The following KHSRP variants were observed in gnomAD, a reference collection of about 807,000 sequenced individuals.
The protein encoded by KHSRP is far upstream element-binding protein 2.
A neutral mutation model predicts 94.9 loss-of-function variants in KHSRP; 13 were observed. The ratio of observed to expected loss-of-function variants is 0.14; its 90% confidence interval spans 0.09 to 0.22. The LOEUF is 0.22. Ranked by LOEUF, KHSRP falls within the 10% of genes least tolerant of loss-of-function variation. The pLI is 1.00. For missense variants in KHSRP, 710 were observed against 1,010.0 expected (o/e 0.70, Z 4.03); for synonymous variants, 495 against 401.4 (o/e 1.23, Z -2.79).
Position 6,418,145 on chromosome 19 carries a change from G to T in KHSRP, c.880-66C>A, listed in dbSNP as rs980809658. ...CTGCCCCACACCCCCCCACCTCCTCGGGGGTGCGGGCCTCAACTAAGGACC... is the reference window on the plus strand; with the variant it reads ...CTGCCCCACACCCCCCCACCTCCTCTGGGGTGCGGGCCTCAACTAAGGACC... On this transcript the variant is annotated intron_variant, in intron 9 of 18. Transcript: ENST00000600480. This position sits in a 1 kb window ranked among gnomAD's most constrained non-coding sequence, Gnocchi z 4.3. 6.9e-7 allele frequency: 1 copy of T among 1,441,800 alleles called. No homozygotes were observed. 89.3% of individuals were successfully genotyped at this position (1,441,800 alleles called of 1,614,324 possible). A position where few individuals can be genotyped will look rare whatever the true frequency, so the allele number is the denominator to read the frequency against.
intron 11 of KHSRP, among the ~76,000 whole-genome samples, chr19:6,417,507 G>A (rs1207708363): frequency 1.3e-5 from 2 of 152,202 alleles, no homozygotes; most frequent in African/African-American, 4.8e-5. Context: ...CGTAGGGGGA[G>A]GAAGAGGAGA....
intron 3 of KHSRP, 154 bp downstream of exon 3, chr19:6,421,496 G>A: frequency 9.7e-7 from 1 of 1,032,642 alleles, no homozygotes; most frequent in Non-Finnish European, 1.5e-6. Context: ...CTCAATTTCA[G>A]GGTTCCTGGG....
rs2092127070 is a variant in KHSRP at position 6,414,519 on chromosome 19, C to T, written c.*505G>A. 17 of 1,046,802 alleles carry T rather than the reference C, an allele frequency of 1.6e-5. 1 individual carries two copies. The East Asian group carries it at 6.4e-4, about 40-fold the overall frequency. The allele number at this position is 1,046,802 out of a possible 1,614,324, so 64.8% of individuals were successfully genotyped here. A position where few individuals can be genotyped will look rare whatever the true frequency, so the allele number is the denominator to read the frequency against. On this transcript the variant is annotated 3_prime_UTR_variant, in exon 19 of 19. Coordinates refer to ENST00000600480, the MANE Select transcript of KHSRP (RefSeq NM_001366299.1). ...GGTTGGAAGGTGGCAACGATCTTCA[C>T]GCCCACTTCACAGACAAGCCCGGGA... is the stretch of plus-strand genomic sequence containing the variant.
rs1045274230 is a variant in KHSRP at position 6,414,295 on chromosome 19, G to C, written c.*729C>G. The C allele has an allele frequency of 2.2e-6, 3 of 1,394,248 alleles. No homozygotes were observed. The highest frequency in any genetic ancestry group is 6.2e-5 in the Admixed American group (2 of 32,126). The allele number at this position is 1,394,248 out of a possible 1,614,324, so 86.4% of individuals were successfully genotyped here. A position where few individuals can be genotyped will look rare whatever the true frequency, so the allele number is the denominator to read the frequency against. On this transcript the variant is annotated 3_prime_UTR_variant, in exon 19 of 19. Coordinates refer to ENST00000600480, the MANE Select transcript of KHSRP (RefSeq NM_001366299.1). ...TTGTTAACTGTCTAGCCAGGTGCTC[G>C]CGGGACTCGCTGAAGTCACGCTGCT...
At position 6,424,660 on chromosome 19, in the gene KHSRP, C is replaced by T. The variant is rs2092221976; in HGVS notation, c.42G>A (p.Pro14=). 1.1e-5 allele frequency: 11 copies of T among 1,019,574 alleles called. No homozygotes were observed. The highest frequency in any genetic ancestry group is 1.3e-5 in the Non-Finnish European group (11 of 853,756). The allele number at this position is 1,019,574 out of a possible 1,614,324, so 63.2% of individuals were successfully genotyped here. ...CTCCCCCGCCCCCGCCGGCGGGCGG[C>T]GGCGGCCCGGGCGGGGGTCCTCCCG... ...YSTGGPPPGP[P]PPAGGGGGAG... is the part of the protein sequence containing the mutation. Residue 14 remains proline, a synonymous_variant, in exon 1 of 19, where the codon CCG becomes CCA. Coordinates refer to ENST00000600480, the MANE Select transcript of KHSRP (RefSeq NM_001366299.1).
At position 6,417,850 on chromosome 19, in the gene KHSRP, G is replaced by A. The variant is rs769674438; in HGVS notation, c.979-9C>T. 1 of 1,612,942 alleles carries A rather than the reference G, an allele frequency of 6.2e-7. No homozygotes were observed. The highest frequency in any genetic ancestry group is 8.5e-7 in the Non-Finnish European group (1 of 1,179,102). On this transcript the variant is annotated splice_polypyrimidine_tract_variant and intron_variant, in intron 10 of 18. Transcript: ENST00000600480. ...TGCCTGGGCACTGGCACCTGGGGAG[G>A]GAGGCAGCAGCGTCAGCTCGGCCCG...
Position 6,418,147 on chromosome 19 carries a change from G to C in KHSRP, c.880-68C>G. The C allele has an allele frequency of 7.0e-7, 1 of 1,435,632 alleles. No individual in the cohort carries two copies. Among genetic ancestry groups the C allele is most frequent in the Non-Finnish European group, 9.7e-7 (1 of 1,025,726 alleles). The allele number at this position is 1,435,632 out of a possible 1,614,324, so 88.9% of individuals were successfully genotyped here. A position where few individuals can be genotyped will look rare whatever the true frequency, so the allele number is the denominator to read the frequency against. On this transcript the variant is annotated intron_variant, in intron 9 of 18. Coordinates refer to ENST00000600480, the MANE Select transcript of KHSRP (RefSeq NM_001366299.1). The surrounding 1 kb of genome is among the most constrained non-coding windows in gnomAD (Gnocchi z 4.3). ...GCCCCACACCCCCCCACCTCCTCGGGGGTGCGGGCCTCAACTAAGGACCCA... is the reference window on the plus strand; with the variant it reads ...GCCCCACACCCCCCCACCTCCTCGGCGGTGCGGGCCTCAACTAAGGACCCA...
In KHSRP at chr19:6,418,903, G is replaced by A. The variant is rs758896559; in HGVS notation, c.606-27C>T. On this transcript the variant is annotated intron_variant, in intron 7 of 18. Transcript: ENST00000600480. This position sits in a 1 kb window ranked among gnomAD's most constrained non-coding sequence, Gnocchi z 4.3. ...TGGGAAGGGGAGGAGCGGGGGATGA[G>A]CGGGTGCCACCGCTGGAGAAAGGTA... 6.6e-6 allele frequency: 10 copies of A among 1,524,072 alleles called. No homozygotes were observed. Among genetic ancestry groups the A allele is most frequent in the Non-Finnish European group, 8.8e-6 (10 of 1,142,806 alleles). The allele number at this position is 1,524,072 out of a possible 1,614,324, so 94.4% of individuals were successfully genotyped here.
At chr19:6,421,004 G>A in intron 4 of KHSRP, 1 of 496,992 alleles carries the variant, frequency 2.0e-6, no homozygotes, top group Non-Finnish European at 3.6e-6. Context: ...GCTGCTCAGA[G>A]TCCCCACCCC....
intron 15 of KHSRP, 66 bp from the exon 16 acceptor site, chr19:6,415,962 G>T: frequency 9.4e-7 from 1 of 1,060,162 alleles, no homozygotes; most frequent in Non-Finnish European, 1.3e-6. Flanking sequence ...GACCACCTGG[G>T]GTGGGGATGT....
intron 1 of KHSRP, among the ~76,000 whole-genome samples, chr19:6,422,915 A>C (rs2092203701): frequency 6.6e-6 from 1 of 152,128 alleles, no homozygotes; most frequent in South Asian, 2.1e-4. Flanking sequence ...TCCTTTTATC[A>C]ATTTATTGAA....
Position 6,420,004 on chromosome 19 carries a change from G to T in KHSRP, c.547+69C>A. 4 of 1,189,472 alleles carry T rather than the reference G, an allele frequency of 3.4e-6. No homozygotes were observed. The South Asian group carries it at 5.1e-5, about 15-fold the overall frequency. The allele number at this position is 1,189,472 out of a possible 1,614,324, so 73.7% of individuals were successfully genotyped here. A position where few individuals can be genotyped will look rare whatever the true frequency, so the allele number is the denominator to read the frequency against. ...TGTCCACAGTCCCCGTGGAAATTAA[G>T]TAATTAAAGGAAAGTGCAAAGGGCC... On this transcript the variant is annotated intron_variant, in intron 6 of 18. Transcript: ENST00000600480.
rs1421847668 is a variant in KHSRP, at chr19:6,414,304, G to A, written c.*720C>T. Reference sequence around the variant, plus strand: ...GTCTAGCCAGGTGCTCGCGGGACTCGCTGAAGTCACGCTGCTCCCTGATGG... The same window carrying A: ...GTCTAGCCAGGTGCTCGCGGGACTCACTGAAGTCACGCTGCTCCCTGATGG... On this transcript the variant is annotated 3_prime_UTR_variant, in exon 19 of 19. Transcript: ENST00000600480. 23 of 1,391,126 alleles carry A rather than the reference G, an allele frequency of 1.7e-5. 1 individual carries two copies. Among genetic ancestry groups the A allele is most frequent in the Non-Finnish European group, 2.1e-5 (22 of 1,065,566 alleles). 86.2% of individuals were successfully genotyped at this position (1,391,126 alleles called of 1,614,324 possible). A position where few individuals can be genotyped will look rare whatever the true frequency, so the allele number is the denominator to read the frequency against.
At position 6,418,425 on chromosome 19, in the gene KHSRP, C is replaced by A; in HGVS notation, c.879+58G>T. The A allele has an allele frequency of 7.8e-7, 1 of 1,284,526 alleles. No homozygotes were observed. The highest frequency in any genetic ancestry group is 1.8e-5 in the Admixed American group (1 of 54,722). The allele number at this position is 1,284,526 out of a possible 1,614,324, so 79.6% of individuals were successfully genotyped here. Reference sequence around the variant, plus strand: ...GAATGCAGACCCCGAGACCGCTGGCCCTGCCCACCTGCCCGTGCCTCTCCA... The same window carrying A: ...GAATGCAGACCCCGAGACCGCTGGCACTGCCCACCTGCCCGTGCCTCTCCA... On this transcript the variant is annotated intron_variant, in intron 9 of 18. Transcript: ENST00000600480. The surrounding 1 kb of genome is among the most constrained non-coding windows in gnomAD (Gnocchi z 4.3).
Position 6,413,434 on chromosome 19 carries a change from T to C in KHSRP, c.*1590A>G, listed in dbSNP as rs1200389556. On this transcript the variant is annotated 3_prime_UTR_variant, in exon 19 of 19. Transcript: ENST00000600480. ...TACAATTTTTTTTGTTGTTCTCATT[T>C]TGTTTTCAGTTTCAATCTCCTCTTG... The C allele has an allele frequency of 2.4e-6, 1 of 411,266 alleles. No homozygotes were observed. Among genetic ancestry groups the C allele is most frequent in the Middle Eastern group, 7.0e-4 (1 of 1,422 alleles). 25.5% of individuals were successfully genotyped at this position (411,266 alleles called of 1,614,324 possible).
At chr19:6,419,156 T>C in intron 7 of KHSRP, 47 bp downstream of exon 7, 6 of 1,514,700 alleles carry the variant, frequency 4.0e-6, no homozygotes, top group Non-Finnish European at 4.5e-6. Flanking sequence ...CAGAGCAGGC[T>C]TCTGCCTGCC....
rs2092128708 is a variant in KHSRP at position 6,414,673 on chromosome 19, A to G, written c.*351T>C. 4 of 1,014,528 alleles carry G rather than the reference A, an allele frequency of 3.9e-6. No individual in the cohort carries two copies. Among genetic ancestry groups the G allele is most frequent in the Non-Finnish European group, 4.7e-6 (4 of 849,752 alleles). The allele number at this position is 1,014,528 out of a possible 1,614,324, so 62.8% of individuals were successfully genotyped here. ...CACAGTCACTTGGACACAGGAAAAA[A>G]GATCATGGGTTTAAAAAATAAAAGA... On this transcript the variant is annotated 3_prime_UTR_variant, in exon 19 of 19. Transcript: ENST00000600480.
chr19:6,419,420 G>A (rs779727524), intron 6 of KHSRP, among the ~76,000 whole-genome samples, 160 bp from the exon 7 acceptor site: 9 of 152,208 alleles, frequency 5.9e-5, no homozygotes, highest in East Asian at 1.9e-4. Context: ...GAGGCTGCTC[G>A]ATGCAAGGCC....
Position 6,414,005 on chromosome 19 carries a change from C to T in KHSRP, c.*1019G>A. On this transcript the variant is annotated 3_prime_UTR_variant, in exon 19 of 19. Coordinates refer to ENST00000600480, the MANE Select transcript of KHSRP (RefSeq NM_001366299.1). The stretch of plus-strand genomic sequence containing the variant: ...TGCCGCGAGGGCTCCCCAGTACTCC[C>T]CACGGCAGCCATCGCTCTCTCGCCA... 6.8e-7 allele frequency: 1 copy of T among 1,480,194 alleles called. No individual in the cohort carries two copies. The highest frequency in any genetic ancestry group is 2.5e-5 in the East Asian group (1 of 40,142). The allele number at this position is 1,480,194 out of a possible 1,614,324, so 91.7% of individuals were successfully genotyped here.
Sources: gnomAD v4.1 joint callset for allele counts (sites outside exome capture counted in the v4.1 genomes callset) on GRCh38, gnomAD v4.1.1 for gene constraint, Gnocchi (gnomAD v3.1) non-coding constraint, MANE v1.5 for transcripts, NCBI Gene and HGNC (gene_info 2026-07-23, HGNC 2026-07-21) for gene names.